The following FOXK1 variants were observed in gnomAD, a reference collection of about 807,000 sequenced individuals.
The protein encoded by FOXK1 is forkhead box K1, also known as forkhead box protein K1.
A neutral mutation model predicts 51.9 loss-of-function variants in FOXK1; 19 were observed. The ratio of observed to expected loss-of-function variants is 0.37; its 90% CI spans 0.26 to 0.54. The LOEUF (loss-of-function observed/expected upper bound fraction) is 0.54, where lower values mean the gene tolerates loss of function less well. Among genes scored for constraint, FOXK1 ranks in the 20% least tolerant of loss-of-function variants. FOXK1 has a pLI of 0.87. For missense variants in FOXK1, 870 were observed against 1,032.7 expected (o/e 0.84, Z 2.16); for synonymous variants, 537 against 482.6 (o/e 1.11, Z -1.48).
intron 2 of FOXK1, among the ~76,000 whole-genome samples, chr7:4,750,333 T>C (rs1780759105): frequency 6.6e-6 from 1 of 152,072 alleles, no homozygotes. Context: ...CCCTGTTTCC[T>C]GGAATTGAGC....
intron 1 of FOXK1, among the ~76,000 whole-genome samples, chr7:4,698,021 C>T (rs1263998506): frequency 2.6e-5 from 4 of 152,048 alleles, no homozygotes; most frequent in African/African-American, 9.7e-5. Flanking sequence ...GATGGGGTTT[C>T]ACCATGTTGG....
chr7:4,739,045 G>A (rs920570308), intron 1 of FOXK1, among the ~76,000 whole-genome samples: 1 of 152,168 alleles, frequency 6.6e-6, no homozygotes, highest in Admixed American at 6.5e-5. Context: ...ACGCTTTGAC[G>A]AAGAGCAAAG....
intron 1 of FOXK1, among the ~76,000 whole-genome samples, chr7:4,724,909 G>A (rs1780359085): frequency 6.6e-6 from 1 of 152,244 alleles, no homozygotes; most frequent in Non-Finnish European, 1.5e-5. Flanking sequence ...GCCCCCAGCT[G>A]CAAGGGGAGC....
rs1780995807 is a variant in FOXK1 at position 4,765,323 on chromosome 7, C to T, written c.*2859C>T. ...GGTTGCATGTCCCGGCCACAAAGCC[C>T]TCCCTGTGTGCCCTGAGCCAGCCCA... On this transcript the variant is annotated 3_prime_UTR_variant, in exon 9 of 9. Coordinates refer to ENST00000328914, the MANE Select transcript of FOXK1 (RefSeq NM_001037165.2). 6.6e-6 allele frequency: 1 copy of T among 152,320 alleles called. No individual in the cohort carries two copies. The highest frequency in any genetic ancestry group is 1.5e-5 in the Non-Finnish European group (1 of 68,098). The allele number at this position is 152,320 out of a possible 1,614,324, so 9.4% of individuals were successfully genotyped here.
At chr7:4,697,336 G>C (rs374353400) in intron 1 of FOXK1, among the ~76,000 whole-genome samples, 372 of 152,338 alleles carry the variant, frequency 2.4e-3, no homozygotes, top group African/African-American at 8.5e-3. Flanking sequence ...TGAACAGCTA[G>C]CCGGTATTCA....
rs1780847496 is a variant in FOXK1 at position 4,756,070 on chromosome 7, T to C, written c.1050+687T>C. ...TGATGCATGTTGCATTTGCCTGTATTTTCTCCAATGTCAGTGTAGCGCATC... is the reference window on the plus strand; with the variant it reads ...TGATGCATGTTGCATTTGCCTGTATCTTCTCCAATGTCAGTGTAGCGCATC... On this transcript the variant is annotated intron_variant, in intron 4 of 8. Coordinates refer to ENST00000328914, the MANE Select transcript of FOXK1 (RefSeq NM_001037165.2). The surrounding 1 kb of genome is among the most constrained non-coding windows in gnomAD (Gnocchi z 4.1). 6.6e-6 allele frequency among the ~76,000 whole-genome samples: 1 copy of C among 152,206 alleles called. No individual in the cohort carries two copies. Among genetic ancestry groups the C allele is most frequent in the South Asian group, 2.1e-4 (1 of 4,828 alleles).
Position 4,733,578 on chromosome 7 carries a change from A to G in FOXK1, c.561-7260A>G, listed in dbSNP as rs979382605. ...ATGGTTGCAAGAGGGGCAGAGAAAC[A>G]TGGTCTTCAGTTGGGTGGACGTTTC... On this transcript the variant is annotated intron_variant, in intron 1 of 8. Transcript: ENST00000328914. The surrounding 1 kb of genome is among the most constrained non-coding windows in gnomAD (Gnocchi z 5.0). 1.3e-5 allele frequency among the ~76,000 whole-genome samples: 2 copies of G among 152,172 alleles called. No individual in the cohort carries two copies. Among genetic ancestry groups the G allele is most frequent in the Non-Finnish European group, 2.9e-5 (2 of 68,028 alleles).
At position 4,753,621 on chromosome 7, in the gene FOXK1, C is replaced by T. The variant is rs758611314; in HGVS notation, c.747-838C>T. 6.6e-6 allele frequency among the ~76,000 whole-genome samples: 1 copy of T among 152,202 alleles called. No individual in the cohort carries two copies. The highest frequency in any genetic ancestry group is 1.5e-5 in the Non-Finnish European group (1 of 68,036). The stretch of plus-strand genomic sequence containing the variant: ...TCTCTCGGGAGGTTCTGCACCCACT[C>T]TTCGTGTCTTCATTGGCTTTCTCTG... On this transcript the variant is annotated intron_variant, in intron 2 of 8. Coordinates refer to ENST00000328914, the MANE Select transcript of FOXK1 (RefSeq NM_001037165.2). This position sits in a 1 kb window ranked among gnomAD's most constrained non-coding sequence, Gnocchi z 4.9.
chr7:4,699,585 C>G (rs1779996254), intron 1 of FOXK1, among the ~76,000 whole-genome samples: 1 of 152,012 alleles, frequency 6.6e-6, no homozygotes, highest in African/African-American at 2.4e-5. Context: ...CCAGGCTGGT[C>G]TCGAACTCCT....
chr7:4,735,875 C>T lies in FOXK1; in HGVS notation c.561-4963C>T, dbSNP rs975500392. Among the ~76,000 whole-genome samples, 5 of 152,130 alleles carry T rather than the reference C, an allele frequency of 3.3e-5. No homozygotes were observed. The highest frequency in any genetic ancestry group is 7.3e-5 in the Non-Finnish European group (5 of 68,034). ...GGAAACATCTATTTAAAAATCAAGCCAGGTGCAGCGGCTCACACCTGTAAT... is the reference window on the plus strand; with the variant it reads ...GGAAACATCTATTTAAAAATCAAGCTAGGTGCAGCGGCTCACACCTGTAAT... On this transcript the variant is annotated intron_variant, in intron 1 of 8. Transcript: ENST00000328914. The surrounding 1 kb of genome is among the most constrained non-coding windows in gnomAD (Gnocchi z 4.7).
At chr7:4,705,554 T>TCTCTCTCTCTCTCG (rs895937029) in intron 1 of FOXK1, among the ~76,000 whole-genome samples, 189 of 131,522 alleles carry the variant, frequency 1.4e-3, no homozygotes, top group African/African-American at 5.6e-3. Context: ...TCTCTCTCTC[T>TCTCTCTCTCTCTCG]CTCTCGCTCT....
chr7:4,702,095 A>G (rs1047677460), intron 1 of FOXK1, among the ~76,000 whole-genome samples: 1 of 152,062 alleles, frequency 6.6e-6, no homozygotes, highest in African/African-American at 2.4e-5. Flanking sequence ...CCAAAAAGCA[A>G]CAACAACAAA....
intron 3 of FOXK1, 56 bp downstream of exon 3, chr7:4,754,671 G>T: frequency 6.4e-7 from 1 of 1,557,898 alleles, no homozygotes; most frequent in South Asian, 1.1e-5. Flanking sequence ...GGGCCATAGT[G>T]ACCCGGCGCG....
chr7:4,748,031 G>A lies in FOXK1; in HGVS notation c.747-6428G>A, dbSNP rs2115065872. On this transcript the variant is annotated intron_variant, in intron 2 of 8. Transcript: ENST00000328914. The surrounding 1 kb of genome is among the most constrained non-coding windows in gnomAD (Gnocchi z 4.9). ...AGCTTCCCAGCATTTTACAATGTCG[G>A]ATTTATCTTAAAGGAACACATTCTT... is the stretch of plus-strand genomic sequence containing the variant. Among the ~76,000 whole-genome samples the A allele has an allele frequency of 6.6e-6, 1 of 152,246 alleles. No homozygotes were observed. Among genetic ancestry groups the A allele is most frequent in the East Asian group, 1.9e-4 (1 of 5,192 alleles).
At chr7:4,704,581 A>G (rs565029506) in intron 1 of FOXK1, among the ~76,000 whole-genome samples, 15 of 151,814 alleles carry the variant, frequency 9.9e-5, no homozygotes, top group Middle Eastern at 3.4e-3. Flanking sequence ...TGTTTTCCCT[A>G]TTTCGGAACT....
rs1007870308 is a variant in FOXK1 at position 4,755,737 on chromosome 7, G to GA, written c.1050+362dup. Among the ~76,000 whole-genome samples the GA allele has an allele frequency of 1.3e-5, 2 of 151,694 alleles. No individual in the cohort carries two copies. The highest frequency in any genetic ancestry group is 4.8e-5 in the African/African-American group (2 of 41,326). The stretch of plus-strand genomic sequence containing the variant: ...CAGAGAAAGACCCTGTGTCTACAAA[G>GA]AAAAAAAATATCTTTTTAACTAAGA... On this transcript the variant is annotated intron_variant, in intron 4 of 8. Coordinates refer to ENST00000328914, the MANE Select transcript of FOXK1 (RefSeq NM_001037165.2). This position sits in a 1 kb window ranked among gnomAD's most constrained non-coding sequence, Gnocchi z 6.6.
intron 7 of FOXK1, among the ~76,000 whole-genome samples, chr7:4,760,583 G>C (rs1248358667): frequency 6.6e-6 from 1 of 152,234 alleles, no homozygotes; most frequent in Non-Finnish European, 1.5e-5. Flanking sequence ...GGGCGCGGTG[G>C]CTCACGCCTG....
intron 7 of FOXK1, among the ~76,000 whole-genome samples, chr7:4,760,537 G>C (rs199499865): frequency 6.6e-6 from 1 of 152,190 alleles, no homozygotes; most frequent in East Asian, 1.9e-4. Flanking sequence ...ATTTGGGTTG[G>C]TTAAAGCTAA....
At chr7:4,700,037 G>T (rs1204964688) in intron 1 of FOXK1, among the ~76,000 whole-genome samples, 1 of 152,174 alleles carries the variant, frequency 6.6e-6, no homozygotes, top group African/African-American at 2.4e-5. Context: ...AAGCGTTTCA[G>T]AGTAAATATT....
Sources: allele counts gnomAD v4.1 joint callset (sites outside exome capture counted in the v4.1 genomes callset), GRCh38; gene constraint gnomAD v4.1.1; non-coding constraint Gnocchi (gnomAD v3.1); transcripts MANE v1.5; gene names NCBI Gene and HGNC (gene_info 2026-07-23, HGNC 2026-07-21).